The following IFT74 variants were observed in gnomAD, a reference collection of about 807,000 sequenced individuals.
IFT74 encodes intraflagellar transport 74.
Under a neutral mutation model 96.7 loss-of-function variants are expected in IFT74, and 92 were observed. The ratio of observed to expected loss-of-function variants is 0.95; its 90% CI spans 0.80 to 1.13. The LOEUF (loss-of-function observed/expected upper bound fraction) is 1.13, where lower values mean the gene tolerates loss of function less well. IFT74 is among the 50% of genes most tolerant of loss of function. The probability of loss-of-function intolerance (pLI) is 0.00; values close to 1 mark genes in which losing one functional copy is unlikely to be tolerated. For synonymous variants in IFT74, 223 were observed against 213.2 expected (o/e 1.05, Z -0.40); for missense variants, 811 against 698.2 (o/e 1.16, Z -1.82).
intron 14 of IFT74, 81 bp downstream of exon 14, chr9:27,044,876 G>C: frequency 1.3e-6 from 1 of 779,020 alleles, no homozygotes; most frequent in Non-Finnish European, 2.0e-6. Context: ...ACCTCATTTT[G>C]GGCAGATATA....
At chr9:27,059,885 A>G (rs996706598) in intron 18 of IFT74, among the ~76,000 whole-genome samples, 2 of 152,216 alleles carry the variant, frequency 1.3e-5, no homozygotes, top group Admixed American at 6.5e-5. Flanking sequence ...TAGCATTTCA[A>G]TTTTCAAATG....
chr9:27,016,979 C>T lies in IFT74; in HGVS notation c.862C>T (p.Arg288Ter), dbSNP rs1243274892. Reference protein sequence around the residue: ...HEKLYELESHRDQMIAEDKSI... With the variant: ...HEKLYELESH ...AAAACTTTATGAGTTGGAGTCCCAT[C>T]GAGATCAAATGATTGCAGAAGACAA... The change falls in exon 11 of 20, where the codon CGA becomes TGA. Residue 288 changes from arginine to a stop codon, truncating the protein, a stop_gained. Coordinates refer to ENST00000380062, the MANE Select transcript of IFT74 (RefSeq NM_025103.4). LOFTEE classifies it high-confidence loss of function. 5.0e-6 allele frequency: 8 copies of T among 1,610,394 alleles called. No homozygotes were observed. In the East Asian group the frequency reaches 8.9e-5, roughly 18 times the overall value.
chr9:27,058,203 C>A (rs924974490), intron 18 of IFT74, among the ~76,000 whole-genome samples: 6 of 152,112 alleles, frequency 3.9e-5, no homozygotes, highest in Admixed American at 3.3e-4. Context: ...ATCCTCCTGC[C>A]TCAGCCACTG....
At chr9:26,988,775 A>G (rs775662881) in intron 7 of IFT74, 47 bp downstream of exon 7, 18 of 1,416,414 alleles carry the variant, frequency 1.3e-5, no homozygotes, top group African/African-American at 2.9e-5. Flanking sequence ...GTCATATCCT[A>G]CAAAACAAAG....
chr9:26,999,379 G>A (rs1324718379), intron 8 of IFT74, among the ~76,000 whole-genome samples: 1 of 151,932 alleles, frequency 6.6e-6, no homozygotes, highest in Non-Finnish European at 1.5e-5. Flanking sequence ...ACTAATTTCT[G>A]ATTTTATAGT....
chr9:27,044,916 T>A, intron 14 of IFT74, 121 bp downstream of exon 14: 1 of 571,132 alleles, frequency 1.8e-6, no homozygotes, highest in South Asian at 2.7e-5. Context: ...GTGTGGACAT[T>A]CAAAGCATTT....
At chr9:27,022,574 G>T (rs906885725) in intron 12 of IFT74, among the ~76,000 whole-genome samples, 15 of 151,288 alleles carry the variant, frequency 9.9e-5, no homozygotes, top group African/African-American at 3.6e-4. Flanking sequence ...CCCAAGTATT[G>T]TATTGTATTA....
intron 1 of IFT74, among the ~76,000 whole-genome samples, chr9:26,958,924 G>C (rs529252501): frequency 1.6e-4 from 25 of 152,288 alleles, no homozygotes; most frequent in African/African-American, 5.8e-4. Flanking sequence ...AACCAGAAGA[G>C]AGGGAAGTGT....
intron 3 of IFT74, among the ~76,000 whole-genome samples, chr9:26,978,866 G>A (rs1412574224): frequency 2.0e-5 from 3 of 151,920 alleles, no homozygotes; most frequent in African/African-American, 7.3e-5. Context: ...CTCTCATTAT[G>A]CTTCTGCATA....
In IFT74 at chr9:26,956,881, T is replaced by C. The variant is rs147559894; in HGVS notation, c.-20+365T>C. The stretch of plus-strand genomic sequence containing the variant: ...CGGGCAGTTAGCAACTTTCCACTTA[T>C]TCACCTGTGTGAGAATGGTTGGCTT... On this transcript the variant is annotated intron_variant, in intron 1 of 19. Coordinates refer to ENST00000380062, the MANE Select transcript of IFT74 (RefSeq NM_025103.4). Among the ~76,000 whole-genome samples the C allele has an allele frequency of 1.6e-3, 246 of 152,382 alleles. 2 individuals carry two copies. The highest frequency in any genetic ancestry group is 7.3e-3 in the East Asian group (38 of 5,190).
intron 8 of IFT74, among the ~76,000 whole-genome samples, chr9:27,000,820 C>T (rs1756922926): frequency 6.6e-6 from 1 of 152,084 alleles, no homozygotes; most frequent in African/African-American, 2.4e-5. Context: ...GCACATGTAC[C>T]CCGGAACTTA....
intron 8 of IFT74, among the ~76,000 whole-genome samples, chr9:26,999,929 C>G (rs1456602370): frequency 6.6e-6 from 1 of 151,882 alleles, no homozygotes; most frequent in Non-Finnish European, 1.5e-5. Context: ...CACTACCATG[C>G]CTGGCTAATT....
chr9:26,994,341 A>G, intron 8 of IFT74: 1 of 152,132 alleles, frequency 6.6e-6, no homozygotes, highest in East Asian at 1.9e-4. Flanking sequence ...GTTCGAGACC[A>G]GCCTGGCCAA....
intron 13 of IFT74, among the ~76,000 whole-genome samples, chr9:27,030,505 A>G (rs1300669012): frequency 1.4e-5 from 2 of 139,100 alleles, no homozygotes; most frequent in South Asian, 4.7e-4. Flanking sequence ...CCAAGATCAC[A>G]CCACTGCACT....
In IFT74 at chr9:27,046,413, C is replaced by T. The variant is rs1271540810; in HGVS notation, c.1109-861C>T. 2.0e-5 allele frequency among the ~76,000 whole-genome samples: 3 copies of T among 152,092 alleles called. No individual in the cohort carries two copies. The East Asian group carries it at 5.8e-4, about 29-fold the overall frequency. Reference sequence around the variant, plus strand: ...AAGCTATTGATGTTATTCATGCTAACAGTAAAATTATTTTTGACTGAAAGT... The same window carrying T: ...AAGCTATTGATGTTATTCATGCTAATAGTAAAATTATTTTTGACTGAAAGT... On this transcript the variant is annotated intron_variant, in intron 14 of 19. Transcript: ENST00000380062.
intron 12 of IFT74, among the ~76,000 whole-genome samples, chr9:27,019,486 C>T (rs768885834): frequency 1.3e-5 from 2 of 151,672 alleles, no homozygotes; most frequent in Non-Finnish European, 2.9e-5. Flanking sequence ...TCTGGGTTCT[C>T]TGTTCTGTTC....
rs561600019 is a variant in IFT74 at position 27,017,077 on chromosome 9, A to C, written c.933+27A>C. 1.6e-5 allele frequency: 25 copies of C among 1,581,992 alleles called. No individual in the cohort carries two copies. In the South Asian group the frequency reaches 2.7e-4, roughly 17 times the overall value. On this transcript the variant is annotated intron_variant, in intron 11 of 19. Transcript: ENST00000380062. Reference sequence around the variant, plus strand: ...TGGGCAAAACAAACATACTTATTTTAAGATGTCTGGTTTTGGTACATGTAT... The same window carrying C: ...TGGGCAAAACAAACATACTTATTTTCAGATGTCTGGTTTTGGTACATGTAT...
rs546349071 is a variant in IFT74, at chr9:26,998,251, CA to C, written c.587+8064del. ...AATTACATTGGACTTCCTAGAAAAA[CA>C]AAAAAAAGAAAGGCATTAATCAGAA... On this transcript the variant is annotated intron_variant, in intron 8 of 19. Transcript: ENST00000380062. The C allele has an allele frequency of 4.0e-3, 5,460 of 1,363,092 alleles. 24 individuals carry two copies. The highest frequency in any genetic ancestry group is 3.7e-3 in the Non-Finnish European group (3,790 of 1,025,592). 84.4% of individuals were successfully genotyped at this position (1,363,092 alleles called of 1,614,324 possible).
intron 2 of IFT74, among the ~76,000 whole-genome samples, chr9:26,969,841 TG>T (rs1236524135): frequency 6.6e-6 from 1 of 152,128 alleles, no homozygotes; most frequent in Admixed American, 6.5e-5. Context: ...ACTTTAGGAA[TG>T]GCCTAGTGGT....
Sources: gnomAD v4.1 joint callset for allele counts (sites outside exome capture counted in the v4.1 genomes callset) on GRCh38, gnomAD v4.1.1 for gene constraint, MANE v1.5 for transcripts, NCBI Gene and HGNC (gene_info 2026-07-23, HGNC 2026-07-21) for gene names.